The following RIMKLA variants were observed in gnomAD, a reference collection of about 807,000 sequenced individuals.
RIMKLA encodes the protein ribosomal modification protein rimK like family member A.
Under a neutral mutation model 32.7 loss-of-function variants are expected in RIMKLA, and 14 were observed. The observed-to-expected ratio is 0.43, with a 90% CI of 0.28 to 0.67. The LOEUF is 0.67. Ranked by LOEUF, RIMKLA falls within the 30% of genes least tolerant of loss-of-function variation. The pLI is 0.18. For synonymous variants in RIMKLA, 176 were observed against 204.1 expected (o/e 0.86, Z 1.18); for missense variants, 410 against 519.0 (o/e 0.79, Z 2.04).
At position 42,422,783 on chromosome 1, in the gene RIMKLA, G is replaced by A. The variant is rs1042120009; in HGVS notation, c.*7809G>A. Among the ~76,000 whole-genome samples the A allele has an allele frequency of 7.9e-5, 12 of 152,170 alleles. No individual in the cohort carries two copies. The highest frequency in any genetic ancestry group is 5.2e-4 in the Admixed American group (8 of 15,278). On this transcript the variant is annotated 3_prime_UTR_variant, in exon 5 of 5. Coordinates refer to ENST00000431473, the MANE Select transcript of RIMKLA (RefSeq NM_173642.4). ...ATTTTCCTTTCAAACGCAGAGTGCCGTCTGAATTGTAATACTGCCAACTCT... is the reference window on the plus strand; with the variant it reads ...ATTTTCCTTTCAAACGCAGAGTGCCATCTGAATTGTAATACTGCCAACTCT...
chr1:42,384,573 G>GTA (rs1642920118), intron 1 of RIMKLA, among the ~76,000 whole-genome samples: 1 of 144,978 alleles, frequency 6.9e-6, no homozygotes, highest in African/African-American at 2.5e-5. Flanking sequence ...ACATATATAT[G>GTA]TGTATATATG....
intron 3 of RIMKLA, among the ~76,000 whole-genome samples, chr1:42,406,464 A>T (rs1445797057): frequency 6.6e-6 from 1 of 152,216 alleles, no homozygotes; most frequent in Non-Finnish European, 1.5e-5. Flanking sequence ...GCTATTTTAT[A>T]TGAATGGATT....
At chr1:42,404,642 G>T in intron 3 of RIMKLA, 45 bp downstream of exon 3, 1 of 1,257,568 alleles carries the variant, frequency 8.0e-7, no homozygotes, top group Non-Finnish European at 1.2e-6. Flanking sequence ...CAGCCCACTA[G>T]GGCTGCTGCT....
At chr1:42,412,230 G>A (rs922984495) in intron 4 of RIMKLA, among the ~76,000 whole-genome samples, 4 of 152,122 alleles carry the variant, frequency 2.6e-5, no homozygotes, top group Admixed American at 2.6e-4. Context: ...TCTTTCCAAG[G>A]AGACTAACTG....
rs1263707174 is a variant in RIMKLA at position 42,424,210 on chromosome 1, T to A, written c.*9236T>A. The stretch of plus-strand genomic sequence containing the variant: ...TGTCCTTGTTTTTAGAAAATACACA[T>A]TAAATATCGAGGGATAGAGGTACAT... On this transcript the variant is annotated 3_prime_UTR_variant, in exon 5 of 5. Transcript: ENST00000431473. Among the ~76,000 whole-genome samples, 1 of 152,208 alleles carries A rather than the reference T, an allele frequency of 6.6e-6. No individual in the cohort carries two copies. The highest frequency in any genetic ancestry group is 6.5e-5 in the Admixed American group (1 of 15,286).
intron 4 of RIMKLA, among the ~76,000 whole-genome samples, chr1:42,410,559 C>CA (rs1247002589): frequency 6.6e-6 from 1 of 150,906 alleles, no homozygotes; most frequent in East Asian, 1.9e-4. Context: ...ACAGCTCAGG[C>CA]AAAAAAAATA....
At position 42,381,590 on chromosome 1, in the gene RIMKLA, T is replaced by A. The variant is rs955374656; in HGVS notation, c.163+493T>A. ...ATTATTTCCAAACTAGAAAGCCACA[T>A]ATGGGGGAAATCTGAGAAAGATTGG... On this transcript the variant is annotated intron_variant, in intron 1 of 4. Transcript: ENST00000431473. 2.0e-5 allele frequency among the ~76,000 whole-genome samples: 3 copies of A among 152,130 alleles called. No individual in the cohort carries two copies. In the East Asian group the frequency reaches 5.8e-4, roughly 29 times the overall value.
intron 3 of RIMKLA, among the ~76,000 whole-genome samples, chr1:42,409,645 G>A (rs1441447879): frequency 1.3e-5 from 2 of 152,240 alleles, no homozygotes; most frequent in African/African-American, 4.8e-5. Flanking sequence ...TCAGCATCCT[G>A]GGGGTGATGG....
chr1:42,405,838 G>A (rs777082133), intron 3 of RIMKLA, among the ~76,000 whole-genome samples: 11 of 152,184 alleles, frequency 7.2e-5, no homozygotes, highest in Admixed American at 2.0e-4. Flanking sequence ...GCAGACTTCA[G>A]TGGATGTGTA....
chr1:42,381,494 C>T (rs1011062330), intron 1 of RIMKLA, among the ~76,000 whole-genome samples: 9 of 152,182 alleles, frequency 5.9e-5, no homozygotes, highest in African/African-American at 2.2e-4. Context: ...TACAAAATTA[C>T]TATTAAGATG....
chr1:42,396,266 G>C (rs1225449378), intron 1 of RIMKLA, among the ~76,000 whole-genome samples: 1 of 130,756 alleles, frequency 7.6e-6, no homozygotes, highest in Admixed American at 7.8e-5. Context: ...AAAAAAGAAT[G>C]TCAGAGCTGT....
chr1:42,414,578 T>A lies in RIMKLA; in HGVS notation c.780T>A (p.Asp260Glu), dbSNP rs775173295. The change falls in exon 5 of 5, where the codon GAT (aspartate) becomes GAA (glutamate). Residue 260 changes from aspartate to glutamate, a missense_variant. Asp to Glu is a conservative substitution (Grantham distance 45, BLOSUM62 2). Coordinates refer to ENST00000431473, the MANE Select transcript of RIMKLA (RefSeq NM_173642.4). ...NILGMDFCGI[D>E]LLIMDDGSFV... ...TAGGCATGGACTTCTGTGGCATTGA[T>A]CTCCTTATCATGGACGATGGCTCCT... The A allele has an allele frequency of 1.2e-6, 2 of 1,614,224 alleles. No individual in the cohort carries two copies. Among genetic ancestry groups the A allele is most frequent in the Non-Finnish European group, 1.7e-6 (2 of 1,180,030 alleles).
intron 1 of RIMKLA, among the ~76,000 whole-genome samples, chr1:42,397,496 G>C (rs538591760): frequency 6.8e-4 from 104 of 152,298 alleles, no homozygotes; most frequent in Non-Finnish European, 1.1e-3. Context: ...GCCAAGGCAG[G>C]AGGATCACTT....
rs1465607720 is a variant in RIMKLA at position 42,399,567 on chromosome 1, C to T, written c.327C>T (p.Ile109=). 1 of 1,613,432 alleles carries T rather than the reference C, an allele frequency of 6.2e-7. No homozygotes were observed. Among genetic ancestry groups the T allele is most frequent in the Admixed American group, 1.7e-5 (1 of 59,944 alleles). Residue 109 remains isoleucine (I), a synonymous_variant, in exon 2 of 5, where the codon ATC becomes ATT. Transcript: ENST00000431473. ...VNRPQSILNC[I]NKFWTFQELA... ...GCCCACAGAGCATCTTAAATTGCATCAACAAATTCTGGACGTTCCAAGAAC... is the reference window on the plus strand; with the variant it reads ...GCCCACAGAGCATCTTAAATTGCATTAACAAATTCTGGACGTTCCAAGAAC...
rs1557749874 is a variant in RIMKLA at position 42,385,837 on chromosome 1, T to TC, written c.163+4740_163+4741insC. On this transcript the variant is annotated intron_variant, in intron 1 of 4. Coordinates refer to ENST00000431473, the MANE Select transcript of RIMKLA (RefSeq NM_173642.4). ...CTTCCTTCCTTCCTTCCTTTCTTTCTTTCTTTCTCTTTCTTTCTTTCTTTC... is the reference window on the plus strand; with the variant it reads ...CTTCCTTCCTTCCTTCCTTTCTTTCTCTTCTTTCTCTTTCTTTCTTTCTTTC... Among the ~76,000 whole-genome samples the TC allele has an allele frequency of 9.0e-3, 725 of 80,806 alleles. 95 individuals are homozygous for TC. The highest frequency in any genetic ancestry group is 0.027 in the African/African-American group (683 of 24,842). The allele number at this position is 80,806 out of a possible 152,430, so 53.0% of individuals were successfully genotyped here.
chr1:42,399,372 G>A, intron 1 of RIMKLA, 32 bp from the exon 2 acceptor site: 3 of 1,458,580 alleles, frequency 2.1e-6, no homozygotes, highest in Non-Finnish European at 2.8e-6. Context: ...ACGATAGCAG[G>A]CACAGCACTC....
chr1:42,414,589 T>C lies in RIMKLA; in HGVS notation c.791T>C (p.Met264Thr), dbSNP rs1439810917. 1 of 1,614,268 alleles carries C rather than the reference T, an allele frequency of 6.2e-7. No individual in the cohort carries two copies. The highest frequency in any genetic ancestry group is 8.5e-7 in the Non-Finnish European group (1 of 1,180,044). ...MDFCGIDLLI[M>T]DDGSFVVCEA... ...TTCTGTGGCATTGATCTCCTTATCA[T>C]GGACGATGGCTCCTTTGTGGTGTGT... Residue 264 changes from methionine to threonine, a missense_variant, in exon 5 of 5, where the codon ATG (methionine) becomes ACG (threonine). Coordinates refer to ENST00000431473, the MANE Select transcript of RIMKLA (RefSeq NM_173642.4).
chr1:42,396,735 T>TA (rs1202043551), intron 1 of RIMKLA, among the ~76,000 whole-genome samples: 6 of 151,406 alleles, frequency 4.0e-5, no homozygotes, highest in African/African-American at 1.5e-4. Flanking sequence ...AAAATCTCCA[T>TA]AAGTTGTCCT....
intron 1 of RIMKLA, among the ~76,000 whole-genome samples, chr1:42,389,615 C>T (rs887735574): frequency 2.0e-5 from 3 of 151,980 alleles, no homozygotes; most frequent in Non-Finnish European, 2.9e-5. Flanking sequence ...AGTTCGAGAC[C>T]GGCCTGGCCA....
Sources: allele counts gnomAD v4.1 joint callset (sites outside exome capture counted in the v4.1 genomes callset), GRCh38; gene constraint gnomAD v4.1.1; transcripts MANE v1.5; gene names NCBI Gene and HGNC (gene_info 2026-07-23, HGNC 2026-07-21).